Variants in KCNJ10 observed in about 807,000 individuals in gnomAD.
The protein encoded by KCNJ10 is ATP-sensitive inward rectifier potassium channel 10.
Under a neutral mutation model 22.2 loss-of-function variants are expected in KCNJ10, and 9 were observed. That is an observed-to-expected ratio of 0.40 (90% CI 0.24 to 0.71). The LOEUF is 0.71. KCNJ10 is among the 30% of genes least tolerant of loss of function. KCNJ10 has a pLI of 0.35. For synonymous variants in KCNJ10, 184 were observed against 187.3 expected (o/e 0.98, Z 0.15); for missense variants, 337 against 482.7 (o/e 0.70, Z 2.83).
At position 160,041,962 on chromosome 1, in the gene KCNJ10, T is replaced by C. The variant is rs1648617277; in HGVS notation, c.571A>G (p.Asn191Asp). ...FSQHAVVASHNGKPCLMIRVA... is the reference protein window; with the variant it reads ...FSQHAVVASHDGKPCLMIRVA... ...CGGATCATGAGGCAGGGCTTGCCAT[T>C]GTGGGAGGCCACAACTGCATGCTGG... The change falls in exon 2 of 2, where the codon AAT becomes GAT. Residue 191 changes from asparagine to aspartate, a missense_variant. Coordinates refer to ENST00000644903, the MANE Select transcript of KCNJ10 (RefSeq NM_002241.5). The surrounding 1 kb of genome is among the most constrained non-coding windows in gnomAD (Gnocchi z 4.4). 2 of 1,606,124 alleles carry C rather than the reference T, an allele frequency of 1.2e-6. No individual in the cohort carries two copies. The highest frequency in any genetic ancestry group is 2.7e-5 in the African/African-American group (2 of 74,794).
intron 1 of KCNJ10, among the ~76,000 whole-genome samples, chr1:160,059,310 G>T (rs546988162): frequency 6.6e-6 from 1 of 152,208 alleles, no homozygotes; most frequent in Non-Finnish European, 1.5e-5. Context: ...TTTTACTAAA[G>T]AGGAAGCCAA....
At chr1:160,053,025 G>A (rs573659812) in intron 1 of KCNJ10, among the ~76,000 whole-genome samples, 9 of 152,280 alleles carry the variant, frequency 5.9e-5, no homozygotes, top group African/African-American at 9.6e-5. Flanking sequence ...GTGTGTGGCC[G>A]CTTACAGCTC....
chr1:160,049,695 A>ATATATATATATATATATTTATT (rs1557970409), intron 1 of KCNJ10, among the ~76,000 whole-genome samples: 1 of 120,540 alleles, frequency 8.3e-6, no homozygotes, highest in Non-Finnish European at 1.7e-5. Context: ...ATATATATAT[A>ATATATATATATATATATTTATT]TATATATATA....
chr1:160,068,501 G>T (rs1032066509), intron 1 of KCNJ10, among the ~76,000 whole-genome samples: 3 of 152,124 alleles, frequency 2.0e-5, no homozygotes, highest in African/African-American at 7.2e-5. Flanking sequence ...CAAAGGACTG[G>T]GGGAAGGCAG....
intron 1 of KCNJ10, among the ~76,000 whole-genome samples, chr1:160,046,763 C>T (rs1648750938): frequency 6.6e-6 from 1 of 152,198 alleles, no homozygotes; most frequent in African/African-American, 2.4e-5. Flanking sequence ...CCAAAGCTGG[C>T]CAGGCCCCTG....
intron 1 of KCNJ10, among the ~76,000 whole-genome samples, chr1:160,061,817 C>T (rs956667137): frequency 4.0e-5 from 6 of 151,582 alleles, no homozygotes; most frequent in Admixed American, 2.6e-4. Flanking sequence ...GTGTTGTGGA[C>T]GTGCGATCTG....
At chr1:160,057,868 G>A (rs574588153) in intron 1 of KCNJ10, among the ~76,000 whole-genome samples, 1 of 152,224 alleles carries the variant, frequency 6.6e-6, no homozygotes, top group East Asian at 1.9e-4. Context: ...ACTTGAAGTG[G>A]TGTTGGCTGG....
chr1:160,053,232 AC>A (rs953829052), intron 1 of KCNJ10, among the ~76,000 whole-genome samples: 1 of 152,122 alleles, frequency 6.6e-6, no homozygotes, highest in African/African-American at 2.4e-5. Flanking sequence ...GCAAACAGCT[AC>A]TCAGCCTCAT....
rs1648635539 is a variant in KCNJ10 at position 160,042,501 on chromosome 1, T to C, written c.32A>G (p.Gln11Arg). 1 of 1,614,188 alleles carries C rather than the reference T, an allele frequency of 6.2e-7. No individual in the cohort carries two copies. Among genetic ancestry groups the C allele is most frequent in the Non-Finnish European group, 8.5e-7 (1 of 1,180,028 alleles). Residue 11 changes from glutamine (Q) to arginine (R), a missense_variant, in exon 2 of 2, where the codon CAG becomes CGG. Gln to Arg is a conservative substitution (Grantham distance 43). This residue lies in a region of KCNJ10 where 107 missense variants were observed against 135.2 expected (regional missense o/e 0.79). Coordinates refer to ENST00000644903, the MANE Select transcript of KCNJ10 (RefSeq NM_002241.5). MTSVAKVYYS[Q>R]TTQTESRPLM... ...GGGCCGGCTTTCTGTCTGAGTGGTC[T>C]GACTGTAATACACCTTGGCAACTGA...
At position 160,040,854 on chromosome 1, in the gene KCNJ10, G is replaced by A; in HGVS notation, c.*539C>T. The A allele has an allele frequency of 2.8e-6, 1 of 363,576 alleles. No homozygotes were observed. The highest frequency in any genetic ancestry group is 4.1e-5 in the East Asian group (1 of 24,392). 22.5% of individuals were successfully genotyped at this position (363,576 alleles called of 1,614,324 possible). A position where few individuals can be genotyped will look rare whatever the true frequency, so the allele number is the denominator to read the frequency against. On this transcript the variant is annotated 3_prime_UTR_variant, in exon 2 of 2. Coordinates refer to ENST00000644903, the MANE Select transcript of KCNJ10 (RefSeq NM_002241.5). ...TCACCAGCAGAAATCAAGCTTCACA[G>A]TGGCAAACCCTGGCTTCTTTCAACA...
At chr1:160,048,005 T>C (rs1289774496) in intron 1 of KCNJ10, among the ~76,000 whole-genome samples, 1 of 152,216 alleles carries the variant, frequency 6.6e-6, no homozygotes, top group African/African-American at 2.4e-5. Flanking sequence ...CCTCCCAAAG[T>C]GCTGGGATTA....
chr1:160,054,988 A>G (rs1158214980), intron 1 of KCNJ10, among the ~76,000 whole-genome samples: 2 of 152,002 alleles, frequency 1.3e-5, no homozygotes, highest in African/African-American at 4.8e-5. Flanking sequence ...GACCTCCCCA[A>G]CCATCAGGGG....
chr1:160,067,111 T>G (rs145361530), intron 1 of KCNJ10, among the ~76,000 whole-genome samples: 6 of 152,306 alleles, frequency 3.9e-5, no homozygotes, highest in South Asian at 2.1e-4. Context: ...TTCTCCAACC[T>G]CCTTCTCCAT....
At chr1:160,054,921 C>T (rs1648990393) in intron 1 of KCNJ10, among the ~76,000 whole-genome samples, 2 of 152,124 alleles carry the variant, frequency 1.3e-5, no homozygotes, top group African/African-American at 2.4e-5. Context: ...AAAGGGAACT[C>T]CTGCAAATTT....
intron 1 of KCNJ10, among the ~76,000 whole-genome samples, chr1:160,047,777 GGCTGAAGT>G (rs371832528): frequency 9.2e-4 from 140 of 152,042 alleles, no homozygotes; most frequent in African/African-American, 3.4e-3. Context: ...CTGTTACCCA[GGCTGAAGT>G]GCAGGAGTGC....
intron 1 of KCNJ10, among the ~76,000 whole-genome samples, chr1:160,058,327 C>T (rs1168740532): frequency 6.6e-6 from 1 of 152,206 alleles, no homozygotes; most frequent in African/African-American, 2.4e-5. Context: ...CCTGTCAACA[C>T]TCTCCCTACT....
chr1:160,068,087 C>T (rs886817952), intron 1 of KCNJ10: 2 of 152,284 alleles, frequency 1.3e-5, no homozygotes, highest in Non-Finnish European at 2.9e-5. Flanking sequence ...ATGGGGCACA[C>T]GGAGGAGGTA....
intron 1 of KCNJ10, among the ~76,000 whole-genome samples, chr1:160,062,176 G>A (rs1299218833): frequency 6.6e-6 from 1 of 152,042 alleles, no homozygotes; most frequent in Admixed American, 6.5e-5. Context: ...TGCCCAGAGA[G>A]TGGGGGAGTC....
At chr1:160,065,170 G>GGGTC (rs1649291993) in intron 1 of KCNJ10, 1 of 152,146 alleles carries the variant, frequency 6.6e-6, no homozygotes, top group Non-Finnish European at 1.5e-5. Flanking sequence ...CTACAGGATG[G>GGGTC]GGTCGTTAGT....
Sources: allele counts gnomAD v4.1 joint callset (sites outside exome capture counted in the v4.1 genomes callset), GRCh38; gene constraint gnomAD v4.1.1; regional missense constraint gnomAD v4.1.1; non-coding constraint Gnocchi (gnomAD v3.1); transcripts MANE v1.5; gene names NCBI Gene and HGNC (gene_info 2026-07-23, HGNC 2026-07-21).